Variants in HHIP observed in about 807,000 individuals in gnomAD.
HHIP encodes hedgehog-interacting protein.
In HHIP, 12 loss-of-function variants were observed where a neutral mutation model predicts 74.0. The observed-to-expected ratio is 0.16, with a 90% CI of 0.10 to 0.26. The LOEUF (loss-of-function observed/expected upper bound fraction) is 0.26, where lower values mean the gene tolerates loss of function less well. Ranked by LOEUF, HHIP falls within the 10% of genes least tolerant of loss-of-function variation. The probability of loss-of-function intolerance (pLI) is 1.00; values close to 1 mark genes in which losing one functional copy is unlikely to be tolerated. For synonymous variants in HHIP, 309 were observed against 311.6 expected, an observed-to-expected ratio of 0.99 and a Z score of 0.09; for missense variants, 788 against 845.0, an observed-to-expected ratio of 0.93 and a Z score of 0.84.
intron 10 of HHIP, 104 bp downstream of exon 10, chr4:144,715,534 T>C: frequency 1.8e-6 from 2 of 1,122,932 alleles, no homozygotes; most frequent in Non-Finnish European, 2.5e-6. Context: ...CTCTACTTGT[T>C]GGAAATGTAA....
intron 9 of HHIP, 155 bp from the exon 10 acceptor site, chr4:144,715,138 TCACAGTA>T: frequency 1.8e-6 from 1 of 570,646 alleles, no homozygotes. Context: ...TATGGGAATT[TCACAGTA>T]CTCACACACG....
At chr4:144,733,345 G>T (rs7692915) in intron 11 of HHIP, among the ~76,000 whole-genome samples, 57,012 of 152,020 alleles carry the variant, frequency 0.38, 13,385 homozygotes, top group South Asian at 0.52. Flanking sequence ...TAGCACTTTC[G>T]ACATAGAGTG....
At position 144,737,885 on chromosome 4, in the gene HHIP, C is replaced by T. The variant is rs1560726666; in HGVS notation, c.2031C>T (p.Thr677=). ...TGGACAGAAACATCCGCAGAGTGAC[C>T]AGGGCAGGTATTCTTGATCAGATCA... ...EQVDRNIRRV[T]RAGILDQIID... is the part of the protein sequence containing the mutation. The change falls in exon 13 of 13, where the codon ACC becomes ACT. Residue 677 remains threonine, a synonymous_variant. Coordinates refer to ENST00000296575, the MANE Select transcript of HHIP (RefSeq NM_022475.3). 4 of 1,613,640 alleles carry T rather than the reference C, an allele frequency of 2.5e-6. No homozygotes were observed. The highest frequency in any genetic ancestry group is 2.5e-6 in the Non-Finnish European group (3 of 1,179,694).
chr4:144,679,995 AT>A, intron 4 of HHIP, among the ~76,000 whole-genome samples: 1 of 152,314 alleles, frequency 6.6e-6, no homozygotes, highest in Middle Eastern at 3.4e-3. Context: ...ATTTGGAAAG[AT>A]TTTAAATTAG....
At position 144,739,732 on chromosome 4, in the gene HHIP, C is replaced by T. The variant is rs1309595341; in HGVS notation, c.*1775C>T. The T allele has an allele frequency of 6.6e-6, 1 of 152,142 alleles. No individual in the cohort carries two copies. The highest frequency in any genetic ancestry group is 1.5e-5 in the Non-Finnish European group (1 of 68,006). The allele number at this position is 152,142 out of a possible 1,614,324, so 9.4% of individuals were successfully genotyped here. On this transcript the variant is annotated 3_prime_UTR_variant, in exon 13 of 13. Transcript: ENST00000296575. ...TAAAAAGTGCATGCATAATTTTGCA[C>T]AATTTAGATTCAATTGACAGTCTAT... is the stretch of plus-strand genomic sequence containing the variant.
chr4:144,741,856 C>G lies in HHIP; in HGVS notation c.*3899C>G, dbSNP rs947922640. On this transcript the variant is annotated 3_prime_UTR_variant, in exon 13 of 13. Coordinates refer to ENST00000296575, the MANE Select transcript of HHIP (RefSeq NM_022475.3). ...TGAAACATAAAAGAGAAATCAAGCC[C>G]AAATTTTTAGAGGAAGGCTAAGGTA... 1 of 151,910 alleles carries G rather than the reference C, an allele frequency of 6.6e-6. No individual in the cohort carries two copies. Among genetic ancestry groups the G allele is most frequent in the African/African-American group, 2.4e-5 (1 of 41,344 alleles). The allele number at this position is 151,910 out of a possible 1,614,324, so 9.4% of individuals were successfully genotyped here. A position where few individuals can be genotyped will look rare whatever the true frequency, so the allele number is the denominator to read the frequency against.
intron 11 of HHIP, among the ~76,000 whole-genome samples, chr4:144,721,926 C>T (rs1730651451): frequency 1.3e-5 from 2 of 150,316 alleles, no homozygotes; most frequent in Admixed American, 1.3e-4. Flanking sequence ...AAGCAACTTC[C>T]GAGGAAACAG....
intron 8 of HHIP, among the ~76,000 whole-genome samples, chr4:144,713,591 A>G (rs1730360228): frequency 6.6e-6 from 1 of 152,166 alleles, no homozygotes; most frequent in Non-Finnish European, 1.5e-5. Flanking sequence ...CTGCACAGAA[A>G]GATAGAGACA....
rs200321873 is a variant in HHIP, at chr4:144,734,770, C to T, written c.1790C>T (p.Thr597Met). 2.4e-5 allele frequency: 39 copies of T among 1,601,900 alleles called. No individual in the cohort carries two copies. Among genetic ancestry groups the T allele is most frequent in the South Asian group, 6.7e-5 (6 of 89,920 alleles). ...TTAATGCCTGAGGAATGCAGAGCCA[C>T]GGTACAACCTGCACAGACACTGACT... Reference protein sequence around the residue: ...RPLMPEECRATVQPAQTLTSE... With the variant: ...RPLMPEECRAMVQPAQTLTSE... Residue 597 changes from threonine to methionine, a missense_variant, in exon 12 of 13, where the codon ACG becomes ATG. Thr to Met is a moderately conservative substitution (Grantham distance 81). Coordinates refer to ENST00000296575, the MANE Select transcript of HHIP (RefSeq NM_022475.3).
chr4:144,703,171 G>A (rs919969368), intron 4 of HHIP, among the ~76,000 whole-genome samples: 10 of 150,546 alleles, frequency 6.6e-5, no homozygotes, highest in South Asian at 2.1e-4. Flanking sequence ...CCGAGATTGC[G>A]CCACTGCACT....
intron 10 of HHIP, among the ~76,000 whole-genome samples, chr4:144,716,046 T>C (rs1213597533): frequency 6.6e-6 from 1 of 152,210 alleles, no homozygotes; most frequent in Non-Finnish European, 1.5e-5. Flanking sequence ...GAAGTTGAAA[T>C]TGAAATATGA....
At chr4:144,647,860 T>A (rs1393416773) in intron 1 of HHIP, among the ~76,000 whole-genome samples, 1 of 152,118 alleles carries the variant, frequency 6.6e-6, no homozygotes, top group Non-Finnish European at 1.5e-5. Context: ...CAATCAGGTG[T>A]CTTTGCTCCC....
Position 144,742,518 on chromosome 4 carries a change from A to C in HHIP, c.*4561A>C, listed in dbSNP as rs1731283462. ...CCTTCTCTATGGAATAATTTTAAGA[A>C]AATTATTCCAAATCTGTGAGGAAAA... is the stretch of plus-strand genomic sequence containing the variant. On this transcript the variant is annotated 3_prime_UTR_variant, in exon 13 of 13. Transcript: ENST00000296575. The C allele has an allele frequency of 6.6e-6, 1 of 151,956 alleles. No individual in the cohort carries two copies. Among genetic ancestry groups the C allele is most frequent in the Non-Finnish European group, 1.5e-5 (1 of 67,972 alleles). The allele number at this position is 151,956 out of a possible 1,614,324, so 9.4% of individuals were successfully genotyped here. A position where few individuals can be genotyped will look rare whatever the true frequency, so the allele number is the denominator to read the frequency against.
At chr4:144,647,401 G>A (rs1164071571) in intron 1 of HHIP, among the ~76,000 whole-genome samples, 2 of 152,204 alleles carry the variant, frequency 1.3e-5, no homozygotes, top group Non-Finnish European at 1.5e-5. Context: ...AATCGTAAAG[G>A]ATGTTGAAGC....
At chr4:144,666,880 G>C (rs1173541710) in intron 4 of HHIP, among the ~76,000 whole-genome samples, 1 of 152,124 alleles carries the variant, frequency 6.6e-6, no homozygotes, top group Non-Finnish European at 1.5e-5. Context: ...GTTAAATAGA[G>C]ACAATAAAAG....
rs1731231829 is a variant in HHIP at position 144,740,315 on chromosome 4, G to C, written c.*2358G>C. On this transcript the variant is annotated 3_prime_UTR_variant, in exon 13 of 13. Transcript: ENST00000296575. ...AAAATATCTATATTAAGTTGACCAG[G>C]CCCAGATTTTTTATACAGCTTTTTC... 1 of 152,000 alleles carries C rather than the reference G, an allele frequency of 6.6e-6. No individual in the cohort carries two copies. The highest frequency in any genetic ancestry group is 1.5e-5 in the Non-Finnish European group (1 of 67,996). 9.4% of individuals were successfully genotyped at this position (152,000 alleles called of 1,614,324 possible).
chr4:144,706,775 T>A, intron 5 of HHIP, 93 bp downstream of exon 5: 1 of 1,166,276 alleles, frequency 8.6e-7, no homozygotes, highest in Non-Finnish European at 1.2e-6. Context: ...TGCAAATAAG[T>A]AACCATAAGG....
intron 4 of HHIP, among the ~76,000 whole-genome samples, chr4:144,692,495 G>T (rs1729702208): frequency 2.0e-5 from 3 of 152,008 alleles, no homozygotes; most frequent in Non-Finnish European, 4.4e-5. Context: ...TCCCTTTCTG[G>T]CTCCTTCTCA....
At chr4:144,706,906 C>T (rs1028586806) in intron 5 of HHIP, among the ~76,000 whole-genome samples, 181 bp from the exon 6 acceptor site, 1 of 152,278 alleles carries the variant, frequency 6.6e-6, no homozygotes, top group Admixed American at 6.5e-5. Flanking sequence ...TAAAGGCTAC[C>T]TCTGAAACTT....
Sources: allele counts gnomAD v4.1 joint callset (sites outside exome capture counted in the v4.1 genomes callset), GRCh38; gene constraint gnomAD v4.1.1; transcripts MANE v1.5; gene names NCBI Gene and HGNC (gene_info 2026-07-23, HGNC 2026-07-21).